The following HNRNPUL2 variants were observed in gnomAD, a reference collection of about 807,000 sequenced individuals.
HNRNPUL2 encodes the protein heterogeneous nuclear ribonucleoprotein U-like protein 2.
Under a neutral mutation model 102.2 loss-of-function variants are expected in HNRNPUL2, and 27 were observed. The observed-to-expected ratio is 0.26, with a 90% CI of 0.19 to 0.36. HNRNPUL2 has a LOEUF of 0.36. Ranked by LOEUF, HNRNPUL2 falls within the 10% of genes least tolerant of loss-of-function variation. The pLI is 1.00. For synonymous variants in HNRNPUL2, 458 were observed against 387.2 expected (o/e 1.18, Z -2.15); for missense variants, 936 against 981.1 (o/e 0.95, Z 0.61).
chr11:62,716,115 G>T (rs2083658404), intron 11 of HNRNPUL2, among the ~76,000 whole-genome samples, 178 bp from the exon 12 acceptor site: 1 of 152,158 alleles, frequency 6.6e-6, no homozygotes, highest in South Asian at 2.1e-4. Context: ...AGTCTGAGGG[G>T]GGAGGGCAGA....
chr11:62,712,635 T>A lies in HNRNPUL2; in HGVS notation c.*2664A>T, dbSNP rs2083628567. 1 of 152,322 alleles carries A rather than the reference T, an allele frequency of 6.6e-6. No individual in the cohort carries two copies. Among genetic ancestry groups the A allele is most frequent in the Middle Eastern group, 3.4e-3 (1 of 294 alleles). 9.4% of individuals were successfully genotyped at this position (152,322 alleles called of 1,614,324 possible). On this transcript the variant is annotated 3_prime_UTR_variant, in exon 14 of 14. Coordinates refer to ENST00000301785, the MANE Select transcript of HNRNPUL2 (RefSeq NM_001079559.3). The stretch of plus-strand genomic sequence containing the variant: ...TGCAGCCACAGGAGATAGGGTGAAT[T>A]CAATCCAAATGGTTATTTATTCTAA...
intron 2 of HNRNPUL2, 72 bp downstream of exon 2, chr11:62,724,219 T>A: frequency 6.3e-7 from 1 of 1,577,286 alleles, no homozygotes; most frequent in Admixed American, 1.7e-5. Flanking sequence ...CCTTCCAGTC[T>A]CTCCAGTCAA....
chr11:62,723,160 G>C (rs961372768), intron 4 of HNRNPUL2, among the ~76,000 whole-genome samples: 16 of 152,194 alleles, frequency 1.1e-4, no homozygotes, highest in Non-Finnish European at 2.2e-4. Flanking sequence ...TACATAGGTA[G>C]TAGCTTAATG....
Position 62,727,156 on chromosome 11 carries a change from TCGC to T in HNRNPUL2, c.-3_-1del, listed in dbSNP as rs762371207. 3.0e-5 allele frequency: 43 copies of T among 1,424,708 alleles called. No homozygotes were observed. Among genetic ancestry groups the T allele is most frequent in the South Asian group, 1.2e-4 (9 of 73,696 alleles). The allele number at this position is 1,424,708 out of a possible 1,614,324, so 88.3% of individuals were successfully genotyped here. A position where few individuals can be genotyped will look rare whatever the true frequency, so the allele number is the denominator to read the frequency against. ...GTCACTTTCAGCCGCTTCACCTCCA[TCGC>T]CGCCGCCGCCTCCTCCGCCTCCCGC... is the stretch of plus-strand genomic sequence containing the variant. On this transcript the variant is annotated 5_prime_UTR_variant, in exon 1 of 14. Coordinates refer to ENST00000301785, the MANE Select transcript of HNRNPUL2 (RefSeq NM_001079559.3).
At chr11:62,723,548 A>G in intron 4 of HNRNPUL2, 39 bp downstream of exon 4, 2 of 1,548,728 alleles carry the variant, frequency 1.3e-6, no homozygotes, top group Non-Finnish European at 1.8e-6. Context: ...AGCATCCAGT[A>G]ATAAATGAAT....
chr11:62,723,551 A>G (rs753355064), intron 4 of HNRNPUL2, 36 bp downstream of exon 4: 12 of 1,552,640 alleles, frequency 7.7e-6, no homozygotes, highest in Admixed American at 5.9e-5. Context: ...ATCCAGTAAT[A>G]AATGAATGAA....
intron 4 of HNRNPUL2, 56 bp from the exon 5 acceptor site, chr11:62,722,959 CTG>C: frequency 7.3e-7 from 1 of 1,368,164 alleles, no homozygotes; most frequent in South Asian, 1.2e-5. Context: ...GTAGCAAACT[CTG>C]AGTTCGAAGG....
At chr11:62,726,590 G>A (rs761675611) in intron 1 of HNRNPUL2, 29 bp downstream of exon 1, 16 of 1,504,122 alleles carry the variant, frequency 1.1e-5, no homozygotes, top group Non-Finnish European at 1.2e-5. Context: ...CCGGCAGGTT[G>A]GAGCCGGGCT....
At chr11:62,718,694 T>TTA (rs1554987924) in intron 10 of HNRNPUL2, among the ~76,000 whole-genome samples, 1 of 119,616 alleles carries the variant, frequency 8.4e-6, no homozygotes, top group Non-Finnish European at 1.7e-5. Context: ...ACTCTGTCTT[T>TTA]AAAAAAAAAA....
intron 6 of HNRNPUL2, 92 bp downstream of exon 6, chr11:62,722,509 A>G: frequency 7.0e-7 from 1 of 1,420,232 alleles, no homozygotes; most frequent in Non-Finnish European, 9.9e-7. Flanking sequence ...CATCACATGC[A>G]TAAAAGCCAG....
rs534658835 is a variant in HNRNPUL2, at chr11:62,717,333, A to T, written c.1781-144T>A. On this transcript the variant is annotated intron_variant, in intron 10 of 13. Coordinates refer to ENST00000301785, the MANE Select transcript of HNRNPUL2 (RefSeq NM_001079559.3). ...ATGTGCTACGTTTATACCCACTCGC[A>T]TCTAAATAATGACATTAACTTTTTC... 23 of 635,070 alleles carry T rather than the reference A, an allele frequency of 3.6e-5. No homozygotes were observed. In the East Asian group the frequency reaches 6.4e-4, roughly 18 times the overall value. The allele number at this position is 635,070 out of a possible 1,614,324, so 39.3% of individuals were successfully genotyped here.
chr11:62,721,149 A>G (rs2083699499), intron 9 of HNRNPUL2, 146 bp downstream of exon 9: 1 of 685,918 alleles, frequency 1.5e-6, no homozygotes, highest in Non-Finnish European at 2.5e-6. Flanking sequence ...AACACTAATT[A>G]GGGGTACCTC....
chr11:62,721,093 C>T (rs2083699130), intron 9 of HNRNPUL2, among the ~76,000 whole-genome samples: 4 of 152,086 alleles, frequency 2.6e-5, no homozygotes, highest in Admixed American at 1.3e-4. Context: ...TTTCCATTGT[C>T]TTTATTACAT....
intron 2 of HNRNPUL2, 98 bp from the exon 3 acceptor site, chr11:62,724,088 G>T: frequency 8.3e-7 from 1 of 1,212,112 alleles, no homozygotes. Context: ...AACTGTCAGT[G>T]AATATCAAAT....
At chr11:62,722,953 C>A (rs1359381434) in intron 4 of HNRNPUL2, 50 bp from the exon 5 acceptor site, 1 of 1,410,692 alleles carries the variant, frequency 7.1e-7, no homozygotes, top group Non-Finnish European at 1.0e-6. Context: ...AACTGAGTAG[C>A]AAACTCTGAG....
chr11:62,717,363 C>CT (rs2134770109), intron 10 of HNRNPUL2, among the ~76,000 whole-genome samples, 174 bp from the exon 11 acceptor site: 1 of 152,308 alleles, frequency 6.6e-6, no homozygotes, highest in Non-Finnish European at 1.5e-5. Context: ...TTTTTCTACT[C>CT]TAAGTTTTCC....
chr11:62,715,805 A>G, intron 12 of HNRNPUL2, 59 bp downstream of exon 12: 1 of 1,509,918 alleles, frequency 6.6e-7, no homozygotes, highest in Non-Finnish European at 9.2e-7. Context: ...CTGCTCCCCC[A>G]AGCCAACAGA....
rs780737758 is a variant in HNRNPUL2, at chr11:62,726,908, CTCCTCCTCCTCTTCG to C, written c.234_248del (p.Asp78_Glu82del). 5.8e-6 allele frequency: 9 copies of C among 1,546,552 alleles called. No homozygotes were observed. The highest frequency in any genetic ancestry group is 7.8e-6 in the Non-Finnish European group (9 of 1,156,444). On this transcript the variant is annotated inframe_deletion, in exon 1 of 14. Coordinates refer to ENST00000301785, the MANE Select transcript of HNRNPUL2 (RefSeq NM_001079559.3). ...CCTCAAGCAGCGCCTCCTCGTCCTC[CTCCTCCTCCTCTTCG>C]TCCTCCTCCTCGTCCCCGCCCGGGC... is the stretch of plus-strand genomic sequence containing the variant.
Position 62,720,208 on chromosome 11 carries a change from T to C in HNRNPUL2, c.1612-17A>G. ...CACATTACACTAAGAACAGGAGGAATAACTGATGTTTAGGAAGAAAATTAT... is the reference window on the plus strand; with the variant it reads ...CACATTACACTAAGAACAGGAGGAACAACTGATGTTTAGGAAGAAAATTAT... On this transcript the variant is annotated splice_polypyrimidine_tract_variant and intron_variant, in intron 9 of 13. Coordinates refer to ENST00000301785, the MANE Select transcript of HNRNPUL2 (RefSeq NM_001079559.3). 6.2e-7 allele frequency: 1 copy of C among 1,610,076 alleles called. No individual in the cohort carries two copies. The highest frequency in any genetic ancestry group is 8.5e-7 in the Non-Finnish European group (1 of 1,176,560).
Sources: gnomAD v4.1 joint callset for allele counts (sites outside exome capture counted in the v4.1 genomes callset) on GRCh38, gnomAD v4.1.1 for gene constraint, MANE v1.5 for transcripts, NCBI Gene and HGNC (gene_info 2026-07-23, HGNC 2026-07-21) for gene names.